Variants in KIAA1614 observed in about 807,000 individuals in gnomAD.
KIAA1614 encodes KIAA1614.
Under a neutral mutation model 88.7 loss-of-function variants are expected in KIAA1614, and 76 were observed. The observed-to-expected ratio is 0.86, with a 90% confidence interval of 0.71 to 1.04. The LOEUF is 1.04. Ranked by LOEUF, KIAA1614 falls within the 50% of genes least tolerant of loss-of-function variation. KIAA1614 has a pLI of 0.00. For missense variants in KIAA1614, 1,553 were observed against 1,582.5 expected, an observed-to-expected ratio of 0.98 and a Z score of 0.32; for synonymous variants, 714 against 675.5, an observed-to-expected ratio of 1.06 and a Z score of -0.88.
In KIAA1614 at chr1:180,938,795, G is replaced by A. The variant is rs903110035; in HGVS notation, c.2918+84G>A. 2.2e-6 allele frequency: 3 copies of A among 1,350,104 alleles called. No homozygotes were observed. In the Admixed American group the frequency reaches 6.0e-5, roughly 27 times the overall value. The allele number at this position is 1,350,104 out of a possible 1,614,324, so 83.6% of individuals were successfully genotyped here. ...GGGGACAGAGACCCCCTGGAGTGGT[G>A]GCATGACCCACCTCCCTGCCCCTAG... is the stretch of plus-strand genomic sequence containing the variant. On this transcript the variant is annotated intron_variant, in intron 6 of 8. Coordinates refer to ENST00000367588, the MANE Select transcript of KIAA1614 (RefSeq NM_020950.2).
In KIAA1614 at chr1:180,917,899, A is replaced by G; in HGVS notation, c.1046A>G (p.Asp349Gly). The G allele has an allele frequency of 6.2e-7, 1 of 1,613,470 alleles. No individual in the cohort carries two copies. The highest frequency in any genetic ancestry group is 1.3e-5 in the African/African-American group (1 of 74,822). ...VDWASGTSLQ[D>G]SGQNRTVGPN... ...TGGGCCTCGGGCACCTCCTTGCAGGACTCCGGCCAGAACAGGTAAGAGCTC... is the reference window on the plus strand; with the variant it reads ...TGGGCCTCGGGCACCTCCTTGCAGGGCTCCGGCCAGAACAGGTAAGAGCTC... Residue 349 changes from aspartate (D) to glycine (G), a missense_variant, in exon 3 of 9, where the codon GAC becomes GGC. Asp to Gly is a moderately conservative substitution (Grantham distance 94, BLOSUM62 -1). Transcript: ENST00000367588.
Position 180,939,539 on chromosome 1 carries a change from G to A in KIAA1614, c.2918+828G>A, listed in dbSNP as rs143060299. Among the ~76,000 whole-genome samples, 22 of 152,174 alleles carry A rather than the reference G, an allele frequency of 1.4e-4. No homozygotes were observed. The East Asian group carries it at 1.7e-3, about 12-fold the overall frequency. On this transcript the variant is annotated intron_variant, in intron 6 of 8. Coordinates refer to ENST00000367588, the MANE Select transcript of KIAA1614 (RefSeq NM_020950.2). ...CCCTCTGCAAGTCCTTGCCAGCTCCGGAACCCCCTGCCTCCCACCACTTCT... is the reference window on the plus strand; with the variant it reads ...CCCTCTGCAAGTCCTTGCCAGCTCCAGAACCCCCTGCCTCCCACCACTTCT...
At chr1:180,926,474 G>GAA (rs60582450) in intron 3 of KIAA1614, among the ~76,000 whole-genome samples, 89 of 126,890 alleles carry the variant, frequency 7.0e-4, no homozygotes, top group African/African-American at 1.8e-3. Flanking sequence ...CAGCTGATGA[G>GAA]AAAAAAAAAA....
chr1:180,928,129 G>A (rs1450840280), intron 3 of KIAA1614: 2 of 289,170 alleles, frequency 6.9e-6, no homozygotes, highest in African/African-American at 4.3e-5. Context: ...ATAATCTGGA[G>A]ACTCTCCTAC....
chr1:180,938,804 C>T, intron 6 of KIAA1614, 93 bp downstream of exon 6: 1 of 1,180,198 alleles, frequency 8.5e-7, no homozygotes, highest in Non-Finnish European at 1.2e-6. Flanking sequence ...TGGCATGACC[C>T]ACCTCCCTGC....
rs534625585 is a variant in KIAA1614 at position 180,947,948 on chromosome 1, T to A, written c.*2360T>A. 9 of 151,928 alleles carry A rather than the reference T, an allele frequency of 5.9e-5. No homozygotes were observed. The highest frequency in any genetic ancestry group is 1.3e-4 in the Non-Finnish European group (9 of 67,754). The allele number at this position is 151,928 out of a possible 1,614,324, so 9.4% of individuals were successfully genotyped here. On this transcript the variant is annotated 3_prime_UTR_variant, in exon 9 of 9. Coordinates refer to ENST00000367588, the MANE Select transcript of KIAA1614 (RefSeq NM_020950.2). ...TCGATGTGAGTGCACACACAACAGGTCATTGTACTCTGCCGCCCACCCTCC... is the reference window on the plus strand; with the variant it reads ...TCGATGTGAGTGCACACACAACAGGACATTGTACTCTGCCGCCCACCCTCC...
chr1:180,917,512 T>C (rs1393359371), intron 2 of KIAA1614, among the ~76,000 whole-genome samples: 1 of 152,102 alleles, frequency 6.6e-6, no homozygotes, highest in Non-Finnish European at 1.5e-5. Context: ...CTGGGCGTTC[T>C]AGCAGCTGGG....
In KIAA1614 at chr1:180,945,428, G is replaced by A. The variant is rs376461268; in HGVS notation, c.3413G>A (p.Arg1138His). 2.4e-4 allele frequency: 384 copies of A among 1,608,482 alleles called. No individual in the cohort carries two copies. Among genetic ancestry groups the A allele is most frequent in the South Asian group, 3.8e-4 (34 of 90,376 alleles). ...PDGTSQLQLQ[R>H]SPGGTFGFCV... ...GGCACCAGCCAGCTGCAGCTGCAGC[G>A]CTCCCCAGGGGGCACTTTCGGCTTC... The change falls in exon 9 of 9, where the codon CGC (arginine) becomes CAC (histidine). Residue 1138 changes from arginine (R) to histidine (H), a missense_variant. Physicochemically the swap from Arg to His is conservative, Grantham distance 29. Coordinates refer to ENST00000367588, the MANE Select transcript of KIAA1614 (RefSeq NM_020950.2).
chr1:180,945,284 G>C lies in KIAA1614; in HGVS notation c.3288-19G>C, dbSNP rs766750040. On this transcript the variant is annotated intron_variant, in intron 8 of 8. Coordinates refer to ENST00000367588, the MANE Select transcript of KIAA1614 (RefSeq NM_020950.2). ...GCCTGATGCTTTTTGCCCTCACTGTGTCTCTGGTTCCCTCGCAGGCCGGCC... is the reference window on the plus strand; with the variant it reads ...GCCTGATGCTTTTTGCCCTCACTGTCTCTCTGGTTCCCTCGCAGGCCGGCC... The C allele has an allele frequency of 6.4e-7, 1 of 1,571,190 alleles. No individual in the cohort carries two copies. Among genetic ancestry groups the C allele is most frequent in the Non-Finnish European group, 8.6e-7 (1 of 1,168,142 alleles).
At position 180,917,038 on chromosome 1, in the gene KIAA1614, G is replaced by A. The variant is rs1393132884; in HGVS notation, c.935G>A (p.Gly312Glu). 28 of 1,613,800 alleles carry A rather than the reference G, an allele frequency of 1.7e-5. No homozygotes were observed. Among genetic ancestry groups the A allele is most frequent in the Non-Finnish European group, 2.3e-5 (27 of 1,180,028 alleles). The change falls in exon 2 of 9, where the codon GGG (glycine) becomes GAG (glutamate). Residue 312 changes from glycine to glutamate, a missense_variant. Transcript: ENST00000367588. ...CTGCAGGAGATGCTCAACGTTTCTG[G>A]GCAGAGCCCCCGCAAGGTGGGAACC... ...LLLQEMLNVSGQSPRKVGTPA... is the reference protein window; with the variant it reads ...LLLQEMLNVSEQSPRKVGTPA...
intron 2 of KIAA1614, 150 bp from the exon 3 acceptor site, chr1:180,917,701 G>T (rs373079631): frequency 2.1e-5 from 14 of 678,478 alleles, no homozygotes; most frequent in Middle Eastern, 3.0e-4. Flanking sequence ...ATCGTGACAG[G>T]CTCAGCCTCC....
Position 180,935,899 on chromosome 1 carries a change from G to A in KIAA1614, c.1990G>A (p.Glu664Lys). Reference sequence around the variant, plus strand: ...AGGCCACAGGTGGTCCAAGAAGGCTGAGGCGGAGCTCCCTTGGGGCCTTCA... The same window carrying A: ...AGGCCACAGGTGGTCCAAGAAGGCTAAGGCGGAGCTCCCTTGGGGCCTTCA... ...PRGHRWSKKA[E>K]AELPWGLQAQ... is the part of the protein sequence containing the mutation. Residue 664 changes from glutamate to lysine, a missense_variant, in exon 5 of 9, where the codon GAG (glutamate) becomes AAG (lysine). Coordinates refer to ENST00000367588, the MANE Select transcript of KIAA1614 (RefSeq NM_020950.2). The surrounding 1 kb of genome is among the most constrained non-coding windows in gnomAD (Gnocchi z 6.1). The A allele has an allele frequency of 6.2e-7, 1 of 1,613,976 alleles. No homozygotes were observed. Among genetic ancestry groups the A allele is most frequent in the African/African-American group, 1.3e-5 (1 of 75,066 alleles).
chr1:180,921,338 G>A (rs1207243716), intron 3 of KIAA1614, among the ~76,000 whole-genome samples: 1 of 152,186 alleles, frequency 6.6e-6, no homozygotes, highest in Non-Finnish European at 1.5e-5. Context: ...TTCTTCACTT[G>A]CTTCAGGCCA....
chr1:180,923,094 GAGATGGGGCACCACCCCCCA>G (rs1028905832), intron 3 of KIAA1614, among the ~76,000 whole-genome samples: 3 of 152,222 alleles, frequency 2.0e-5, no homozygotes, highest in Non-Finnish European at 4.4e-5. Context: ...CAAGGTATGG[GAGATGGGGCACCACCCCCCA>G]GAAACCTTCA....
intron 3 of KIAA1614, among the ~76,000 whole-genome samples, chr1:180,922,113 G>A (rs1035019230): frequency 7.9e-5 from 12 of 152,340 alleles, no homozygotes; most frequent in South Asian, 4.1e-4. Flanking sequence ...CCATAGAGGC[G>A]GTGCTTCTGC....
At chr1:180,921,304 C>T (rs915368354) in intron 3 of KIAA1614, among the ~76,000 whole-genome samples, 8 of 152,274 alleles carry the variant, frequency 5.3e-5, no homozygotes, top group South Asian at 2.1e-4. Flanking sequence ...AGATAGGAAC[C>T]GGCCATTTTC....
At chr1:180,937,472 G>A (rs955335920) in intron 5 of KIAA1614, among the ~76,000 whole-genome samples, 1 of 152,208 alleles carries the variant, frequency 6.6e-6, no homozygotes, top group South Asian at 2.1e-4. Flanking sequence ...GAGAATCCTG[G>A]GGGTTGGCAG....
intron 4 of KIAA1614, among the ~76,000 whole-genome samples, chr1:180,929,732 T>C (rs532160430): frequency 6.6e-6 from 1 of 152,320 alleles, no homozygotes; most frequent in South Asian, 2.1e-4. Flanking sequence ...GGGCCTGAGA[T>C]GAGGCCACCA....
chr1:180,917,460 T>C lies in KIAA1614; in HGVS notation c.997+360T>C, dbSNP rs374909097. On this transcript the variant is annotated intron_variant, in intron 2 of 8. Transcript: ENST00000367588. The stretch of plus-strand genomic sequence containing the variant: ...TGCCCTCACCCCTTAGTGAGGGCCC[T>C]CTGGTGGGGCAAGCAGACAGGAATC... 6.3e-3 allele frequency among the ~76,000 whole-genome samples: 808 copies of C among 128,820 alleles called. 9 individuals carry two copies. The highest frequency in any genetic ancestry group is 0.019 in the African/African-American group (750 of 38,500). The allele number at this position is 128,820 out of a possible 152,430, so 84.5% of individuals were successfully genotyped here.
Sources: allele counts gnomAD v4.1 joint callset (sites outside exome capture counted in the v4.1 genomes callset), GRCh38; gene constraint gnomAD v4.1.1; non-coding constraint Gnocchi (gnomAD v3.1); transcripts MANE v1.5; gene names NCBI Gene and HGNC (gene_info 2026-07-23, HGNC 2026-07-21).